The following CRTAC1 variants were observed in gnomAD, a reference collection of about 807,000 sequenced individuals.
The protein encoded by CRTAC1 is cartilage acidic protein 1, also known as acidic secreted protein in cartilage.
Under a neutral mutation model 67.8 loss-of-function variants are expected in CRTAC1, and 37 were observed. The ratio of observed to expected loss-of-function variants is 0.55; its 90% CI spans 0.42 to 0.72. The LOEUF is 0.72. Ranked by LOEUF, CRTAC1 falls within the 30% of genes least tolerant of loss-of-function variation. CRTAC1 has a pLI of 0.00. For missense variants in CRTAC1, 780 were observed against 931.6 expected, an observed-to-expected ratio of 0.84 and a Z score of 2.12; for synonymous variants, 348 against 371.0, an observed-to-expected ratio of 0.94 and a Z score of 0.71.
At chr10:97,958,529 C>CAT (rs2051475579) in intron 2 of CRTAC1, among the ~76,000 whole-genome samples, 1 of 152,130 alleles carries the variant, frequency 6.6e-6, no homozygotes, top group Admixed American at 6.5e-5. Flanking sequence ...CCACATTACC[C>CAT]CCCATCGTTG....
chr10:97,877,594 T>G (rs1419890212), intron 14 of CRTAC1, among the ~76,000 whole-genome samples: 1 of 152,250 alleles, frequency 6.6e-6, no homozygotes. Context: ...GCCTAGAGCC[T>G]AACCAAATAT....
intron 2 of CRTAC1, among the ~76,000 whole-genome samples, chr10:97,961,225 T>A (rs959476609): frequency 6.6e-6 from 1 of 152,132 alleles, no homozygotes; most frequent in East Asian, 1.9e-4. Context: ...ATGGAGAAGA[T>A]GAAAGTCAAC....
At chr10:97,927,461 A>G (rs2050938155) in intron 3 of CRTAC1, among the ~76,000 whole-genome samples, 1 of 151,974 alleles carries the variant, frequency 6.6e-6, no homozygotes, top group African/African-American at 2.4e-5. Flanking sequence ...TTTGTAGACC[A>G]CCTCTTAGCA....
Position 97,895,300 on chromosome 10 carries a change from G to A in CRTAC1, c.1431C>T (p.Ile477=), listed in dbSNP as rs375834437. Residue 477 remains isoleucine, a synonymous_variant, in exon 11 of 15, where the codon ATC becomes ATT. Transcript: ENST00000370597. The surrounding 1 kb of genome is among the most constrained non-coding windows in gnomAD (Gnocchi z 4.2). The stretch of plus-strand genomic sequence containing the variant: ...CACACAGGTAGCCTGAGCCCCCGTC[G>A]ATGATCCTCAGGTGGGCCCCACTCT... The part of the protein sequence containing the change: ...TKKSGAHLRI[I]DGGSGYLCEM... 29 of 1,613,574 alleles carry A rather than the reference G, an allele frequency of 1.8e-5. No homozygotes were observed. The highest frequency in any genetic ancestry group is 1.3e-4 in the Admixed American group (8 of 59,998).
intron 11 of CRTAC1, among the ~76,000 whole-genome samples, chr10:97,892,509 C>T (rs1347858476): frequency 6.6e-6 from 1 of 152,228 alleles, no homozygotes; most frequent in Non-Finnish European, 1.5e-5. Flanking sequence ...ACCGTGGCGT[C>T]AGGGAGGTGG....
chr10:98,019,796 G>A (rs898768924), intron 1 of CRTAC1, among the ~76,000 whole-genome samples: 14 of 152,176 alleles, frequency 9.2e-5, no homozygotes, highest in Admixed American at 8.5e-4. Flanking sequence ...CCCCACGGGA[G>A]CCTGGCCTGC....
At chr10:97,931,414 GGGCAAAA>G (rs1383845767) in intron 3 of CRTAC1, among the ~76,000 whole-genome samples, 3 of 152,190 alleles carry the variant, frequency 2.0e-5, no homozygotes, top group Non-Finnish European at 4.4e-5. Context: ...CGTTTTGTGA[GGGCAAAA>G]GGCAAAAGAC....
In CRTAC1 at chr10:98,029,491, AGCG is replaced by A. The variant is rs71007374; in HGVS notation, c.24+955_24+957del. On this transcript the variant is annotated intron_variant, in intron 1 of 14. Transcript: ENST00000370597. This position sits in a 1 kb window ranked among gnomAD's most constrained non-coding sequence, Gnocchi z 4.7. ...ACTGGGTGCACCCACCAGCAGCAGC[AGCG>A]GCGGCGGCGGCGGCGGCGGCGGCGG... Among the ~76,000 whole-genome samples the A allele has an allele frequency of 1.4e-3, 203 of 140,434 alleles. 1 individual carries two copies. The highest frequency in any genetic ancestry group is 5.6e-3 in the East Asian group (27 of 4,856). 92.1% of individuals were successfully genotyped at this position (140,434 alleles called of 152,430 possible).
chr10:98,000,551 T>C (rs1461493986), intron 2 of CRTAC1, among the ~76,000 whole-genome samples: 3 of 152,150 alleles, frequency 2.0e-5, no homozygotes, highest in African/African-American at 7.2e-5. Flanking sequence ...TGACTCGCAG[T>C]CTCCCTTGGA....
intron 14 of CRTAC1, among the ~76,000 whole-genome samples, chr10:97,873,354 G>A (rs2050113357): frequency 6.6e-6 from 1 of 152,224 alleles, no homozygotes. Flanking sequence ...GAGGCACTGA[G>A]ACTTTCCAAT....
At chr10:97,995,681 A>G (rs1013918657) in intron 2 of CRTAC1, among the ~76,000 whole-genome samples, 4 of 152,180 alleles carry the variant, frequency 2.6e-5, no homozygotes, top group African/African-American at 4.8e-5. Context: ...CCTGGCAGCA[A>G]TGAATGGTAA....
intron 2 of CRTAC1, among the ~76,000 whole-genome samples, chr10:97,998,705 T>G (rs758089670): frequency 6.6e-6 from 1 of 151,466 alleles, no homozygotes; most frequent in Non-Finnish European, 1.5e-5. Flanking sequence ...AGCAATAAAA[T>G]GGTAAAAAAA....
At chr10:98,018,273 G>T (rs1843043946) in intron 1 of CRTAC1, among the ~76,000 whole-genome samples, 1 of 147,030 alleles carries the variant, frequency 6.8e-6, no homozygotes, top group African/African-American at 2.5e-5. Context: ...TAGCAACCTG[G>T]CTTTGGATCT....
chr10:98,023,644 G>C lies in CRTAC1; in HGVS notation c.24+6805C>G, dbSNP rs551350193. ...CCTGTTCTTAGAGACCAGAGTGAAAGGGAATGTGCCACCCCTTAGAGGAAG... is the reference window on the plus strand; with the variant it reads ...CCTGTTCTTAGAGACCAGAGTGAAACGGAATGTGCCACCCCTTAGAGGAAG... On this transcript the variant is annotated intron_variant, in intron 1 of 14. Coordinates refer to ENST00000370597, the MANE Select transcript of CRTAC1 (RefSeq NM_018058.7). Among the ~76,000 whole-genome samples, 46 of 152,346 alleles carry C rather than the reference G, an allele frequency of 3.0e-4. No individual in the cohort carries two copies. In the South Asian group the frequency reaches 7.7e-3, roughly 25 times the overall value.
At chr10:97,973,919 A>G (rs2051755026) in intron 2 of CRTAC1, among the ~76,000 whole-genome samples, 2 of 150,208 alleles carry the variant, frequency 1.3e-5, no homozygotes, top group Non-Finnish European at 3.0e-5. Context: ...AATAGTGTGC[A>G]CACAGCCTGG....
intron 13 of CRTAC1, 77 bp downstream of exon 13, chr10:97,882,709 T>C: frequency 6.6e-7 from 1 of 1,524,172 alleles, no homozygotes; most frequent in Non-Finnish European, 9.1e-7. Context: ...ACCCTGGACC[T>C]TGGCATGAGT....
chr10:97,996,800 C>T (rs1444357445), intron 2 of CRTAC1, among the ~76,000 whole-genome samples: 1 of 152,072 alleles, frequency 6.6e-6, no homozygotes, highest in Non-Finnish European at 1.5e-5. Flanking sequence ...TTTATTGCAG[C>T]ACTATTCACA....
intron 2 of CRTAC1, among the ~76,000 whole-genome samples, chr10:97,949,510 C>G (rs1477113245): frequency 1.3e-5 from 2 of 152,212 alleles, no homozygotes; most frequent in South Asian, 2.1e-4. Flanking sequence ...TCTTAAGATC[C>G]GGGACAAGGG....
intron 11 of CRTAC1, among the ~76,000 whole-genome samples, chr10:97,888,378 A>G (rs2050316845): frequency 6.6e-6 from 1 of 152,196 alleles, no homozygotes. Flanking sequence ...GAGAGGATAC[A>G]GTGTGGGCCA....
Sources: allele counts gnomAD v4.1 joint callset (sites outside exome capture counted in the v4.1 genomes callset), GRCh38; gene constraint gnomAD v4.1.1; non-coding constraint Gnocchi (gnomAD v3.1); transcripts MANE v1.5; gene names NCBI Gene and HGNC (gene_info 2026-07-23, HGNC 2026-07-21).